Variants in AKAP6 observed in about 807,000 individuals in gnomAD.
AKAP6 encodes the protein A-kinase anchor protein 6.
AKAP6 carries 58 observed loss-of-function variants against 188.5 expected under a neutral mutation model. The ratio of observed to expected loss-of-function variants is 0.31; its 90% CI spans 0.25 to 0.38. AKAP6 has a LOEUF of 0.38. Among genes scored for constraint, AKAP6 ranks in the 10% least tolerant of loss-of-function variants. The probability of loss-of-function intolerance (pLI) is 1.00; values close to 1 mark genes in which losing one functional copy is unlikely to be tolerated. For missense variants in AKAP6, 2,710 were observed against 2,740.0 expected (o/e 0.99, Z 0.24); for synonymous variants, 989 against 998.6 (o/e 0.99, Z 0.18).
intron 5 of AKAP6, among the ~76,000 whole-genome samples, chr14:32,589,907 A>G (rs936530007): frequency 6.6e-6 from 1 of 152,166 alleles, no homozygotes; most frequent in Admixed American, 6.5e-5. Flanking sequence ...AGAGACTCAC[A>G]TGAGCTGGGG....
chr14:32,773,939 A>G, intron 12 of AKAP6, 46 bp downstream of exon 12: 2 of 1,568,872 alleles, frequency 1.3e-6, no homozygotes, highest in Non-Finnish European at 1.8e-6. Context: ...ATTTTCTCAG[A>G]CAAAAAATAA....
At chr14:32,504,580 A>G (rs1880771379) in intron 2 of AKAP6, among the ~76,000 whole-genome samples, 1 of 152,106 alleles carries the variant, frequency 6.6e-6, no homozygotes, top group Non-Finnish European at 1.5e-5. Flanking sequence ...ATGCCTGGCC[A>G]TTTGGAGATA....
chr14:32,689,352 T>A (rs866521409), intron 8 of AKAP6, among the ~76,000 whole-genome samples: 1 of 152,128 alleles, frequency 6.6e-6, no homozygotes, highest in Non-Finnish European at 1.5e-5. Context: ...CAATAATAGG[T>A]GTTGGTGGAC....
chr14:32,337,808 T>C lies in AKAP6; in HGVS notation c.-35+8400T>C, dbSNP rs947052015. On this transcript the variant is annotated intron_variant, in intron 1 of 13. Coordinates refer to ENST00000280979, the MANE Select transcript of AKAP6 (RefSeq NM_004274.5). ...TTAAACATTTGAATTTTGACTAAAC[T>C]GAAAATAAGTTGAAAGGCAGAGGAT... 2.7e-5 allele frequency among the ~76,000 whole-genome samples: 4 copies of C among 150,170 alleles called. No individual in the cohort carries two copies. In the Admixed American group the frequency reaches 2.7e-4, roughly 10 times the overall value.
chr14:32,421,671 T>A (rs1282554866), intron 1 of AKAP6, among the ~76,000 whole-genome samples: 3 of 152,192 alleles, frequency 2.0e-5, no homozygotes, highest in African/African-American at 7.2e-5. Context: ...TCTCTGCTAA[T>A]CCTTGACTGC....
In AKAP6 at chr14:32,696,076, T is replaced by C. The variant is rs201535872; in HGVS notation, c.2966T>C (p.Met989Thr). ...CTTGTGATGGACAGCCACGACCTGA[T>C]GATGTCAGAGGAGCAGCAGCAGCAT... is the stretch of plus-strand genomic sequence containing the variant. ...ESLVMDSHDL[M>T]MSEEQQQHLY... Residue 989 changes from methionine (M) to threonine (T), a missense_variant, in exon 9 of 14, where the codon ATG (methionine) becomes ACG (threonine). Met to Thr is a moderately conservative substitution (Grantham distance 81). This residue lies in a region of AKAP6 where 2,473 missense variants were observed against 2,426.1 expected (regional missense o/e 1.02). Coordinates refer to ENST00000280979, the MANE Select transcript of AKAP6 (RefSeq NM_004274.5). 4.0e-5 allele frequency: 64 copies of C among 1,612,514 alleles called. No individual in the cohort carries two copies. Among genetic ancestry groups the C allele is most frequent in the Non-Finnish European group, 5.3e-5 (62 of 1,179,580 alleles).
intron 11 of AKAP6, among the ~76,000 whole-genome samples, chr14:32,738,503 T>C (rs1049218259): frequency 6.6e-6 from 1 of 152,172 alleles, no homozygotes; most frequent in South Asian, 2.1e-4. Flanking sequence ...TAATTTAAAT[T>C]TGACCAAGCA....
At chr14:32,458,496 G>A (rs1891217563) in intron 2 of AKAP6, among the ~76,000 whole-genome samples, 1 of 151,986 alleles carries the variant, frequency 6.6e-6, no homozygotes. Flanking sequence ...TATATTATTT[G>A]TAATTGTAAA....
Position 32,735,748 on chromosome 14 carries a change from G to T in AKAP6, c.3238G>T (p.Val1080Leu), listed in dbSNP as rs1194687475. 6.2e-7 allele frequency: 1 copy of T among 1,613,554 alleles called. No individual in the cohort carries two copies. The highest frequency in any genetic ancestry group is 1.1e-5 in the South Asian group (1 of 91,062). ...DLLSPESGSL[V>L]RQLEVRIKEL... ...GCTCTCTCCTGAAAGTGGAAGCCTG[G>T]TAAGGCAGCTGGAGGTCAGGATCAA... The change falls in exon 11 of 14, where the codon GTA becomes TTA. Residue 1080 changes from valine to leucine, a missense_variant. By Grantham distance (32) the Val-to-Leu change is conservative (BLOSUM62 1). Coordinates refer to ENST00000280979, the MANE Select transcript of AKAP6 (RefSeq NM_004274.5).
At chr14:32,364,463 T>C (rs1411193500) in intron 1 of AKAP6, among the ~76,000 whole-genome samples, 2 of 152,160 alleles carry the variant, frequency 1.3e-5, no homozygotes, top group Non-Finnish European at 2.9e-5. Flanking sequence ...CTCAGTTCCC[T>C]ACCCAATTTG....
At chr14:32,564,677 A>T (rs1292339821) in intron 4 of AKAP6, among the ~76,000 whole-genome samples, 1 of 152,186 alleles carries the variant, frequency 6.6e-6, no homozygotes, top group Non-Finnish European at 1.5e-5. Flanking sequence ...AGAACCTCAG[A>T]TGTTAACAGT....
intron 11 of AKAP6, among the ~76,000 whole-genome samples, chr14:32,752,586 G>C (rs1391014235): frequency 6.6e-6 from 1 of 152,086 alleles, no homozygotes; most frequent in Non-Finnish European, 1.5e-5. Flanking sequence ...ATTAAATCAA[G>C]CTAATTAGCA....
intron 11 of AKAP6, among the ~76,000 whole-genome samples, chr14:32,769,414 G>T (rs1024515385): frequency 6.6e-6 from 1 of 151,986 alleles, no homozygotes; most frequent in Non-Finnish European, 1.5e-5. Context: ...TCTCCAGCTA[G>T]ATTGAAGGCA....
chr14:32,529,529 G>A (rs942642837), intron 2 of AKAP6, among the ~76,000 whole-genome samples: 2 of 152,206 alleles, frequency 1.3e-5, no homozygotes, highest in Non-Finnish European at 2.9e-5. Flanking sequence ...GCTGAGAGGA[G>A]GCATCCTTGC....
At chr14:32,718,930 A>G (rs535060290) in intron 9 of AKAP6, among the ~76,000 whole-genome samples, 1 of 152,342 alleles carries the variant, frequency 6.6e-6, no homozygotes, top group Admixed American at 6.5e-5. Flanking sequence ...AGTGAATGAC[A>G]TGTGGTCTCT....
intron 2 of AKAP6, among the ~76,000 whole-genome samples, chr14:32,524,467 A>G (rs533346516): frequency 1.6e-3 from 239 of 152,172 alleles, no homozygotes; most frequent in African/African-American, 5.5e-3. Context: ...TACTATATAC[A>G]TATATATTAC....
At chr14:32,597,655 A>G (rs1355590926) in intron 5 of AKAP6, among the ~76,000 whole-genome samples, 1 of 152,196 alleles carries the variant, frequency 6.6e-6, no homozygotes, top group African/African-American at 2.4e-5. Context: ...GGACAGTACA[A>G]GAAATAGTGA....
rs1594730258 is a variant in AKAP6, at chr14:32,546,026, G to A, written c.1373G>A (p.Cys458Tyr). ...TCTGCTGCCAGCCAGTCTTATGAGT[G>A]TTTACACAAGGTGGGGAATGGGAAC... ...SPSAASQSYE[C>Y]LHKVGNGNLE... The change falls in exon 4 of 14, where the codon TGT becomes TAT. Residue 458 changes from cysteine (C) to tyrosine (Y), a missense_variant. This residue lies in a region of AKAP6 where 2,473 missense variants were observed against 2,426.1 expected (regional missense o/e 1.02). Transcript: ENST00000280979. 1 of 1,614,070 alleles carries A rather than the reference G, an allele frequency of 6.2e-7. No homozygotes were observed. Among genetic ancestry groups the A allele is most frequent in the East Asian group, 2.2e-5 (1 of 44,852 alleles).
chr14:32,741,476 A>G (rs1399329045), intron 11 of AKAP6, among the ~76,000 whole-genome samples: 2 of 151,854 alleles, frequency 1.3e-5, no homozygotes, highest in East Asian at 1.9e-4. Flanking sequence ...CTCCCGTTCA[A>G]TGTGATACTA....
Sources: gnomAD v4.1 joint callset for allele counts (sites outside exome capture counted in the v4.1 genomes callset) on GRCh38, gnomAD v4.1.1 for gene constraint, gnomAD v4.1.1 regional missense constraint, MANE v1.5 for transcripts, NCBI Gene and HGNC (gene_info 2026-07-23, HGNC 2026-07-21) for gene names.